Variants in DGKB observed in about 807,000 individuals in gnomAD.
DGKB encodes diacylglycerol kinase beta, also known as 90 kDa diacylglycerol kinase.
In DGKB, 67 loss-of-function variants were observed where a neutral mutation model predicts 114.3. The ratio of observed to expected loss-of-function variants is 0.59; its 90% CI spans 0.48 to 0.72. DGKB has a LOEUF of 0.72. DGKB is among the 30% of genes least tolerant of loss of function. The pLI is 0.00. For missense variants in DGKB, 907 were observed against 975.2 expected, an observed-to-expected ratio of 0.93 and a Z score of 0.93; for synonymous variants, 398 against 323.1, an observed-to-expected ratio of 1.23 and a Z score of -2.49.
At chr7:14,950,230 G>C (rs988648762) in intron 1 of DGKB, among the ~76,000 whole-genome samples, 3 of 151,806 alleles carry the variant, frequency 2.0e-5, no homozygotes, top group Admixed American at 2.0e-4. Flanking sequence ...CTCTTACAAG[G>C]AAACCCCAAT....
At chr7:14,927,679 C>T (rs552014959) in intron 1 of DGKB, among the ~76,000 whole-genome samples, 4 of 151,894 alleles carry the variant, frequency 2.6e-5, no homozygotes, top group Non-Finnish European at 5.9e-5. Context: ...TTTTCAATTA[C>T]CATTTCCTCA....
intron 1 of DGKB, among the ~76,000 whole-genome samples, chr7:14,949,500 C>T (rs557536354): frequency 2.0e-5 from 3 of 151,844 alleles, no homozygotes; most frequent in African/African-American, 7.3e-5. Context: ...TTAACACATG[C>T]TCAGAGAAAT....
chr7:14,407,362 G>A (rs907236934), intron 21 of DGKB, among the ~76,000 whole-genome samples: 6 of 152,020 alleles, frequency 3.9e-5, no homozygotes, highest in East Asian at 1.9e-4. Flanking sequence ...ATTGTGTCTC[G>A]TGCTTATCAG....
intron 17 of DGKB, among the ~76,000 whole-genome samples, chr7:14,596,956 T>A (rs1802683318): frequency 6.6e-6 from 1 of 152,206 alleles, no homozygotes; most frequent in East Asian, 1.9e-4. Context: ...CTAAGATCCT[T>A]CCTATAGTCT....
intron 2 of DGKB, among the ~76,000 whole-genome samples, chr7:14,761,210 GT>G (rs1171061806): frequency 4.6e-5 from 7 of 152,080 alleles, no homozygotes; most frequent in Non-Finnish European, 8.8e-5. Context: ...CTTGGGCCCA[GT>G]TTCTCTAAGG....
chr7:14,908,196 G>A (rs1285872568), upstream of DGKB, among the ~76,000 whole-genome samples: 1 of 152,086 alleles, frequency 6.6e-6, no homozygotes. Flanking sequence ...AAAAGAGAAG[G>A]CATACATATT....
rs1049906449 is a variant in DGKB, at chr7:14,373,393, G to A, written c.1836-28002C>T. Among the ~76,000 whole-genome samples the A allele has an allele frequency of 7.9e-5, 12 of 152,238 alleles. No individual in the cohort carries two copies. In the South Asian group the frequency reaches 2.5e-3, roughly 32 times the overall value. On this transcript the variant is annotated intron_variant, in intron 21 of 25. Transcript: ENST00000402815. ...TGTTTCTATTTGTGAAACAGTAACTGTTGTATTGCATAAAAATGACAGAAA... is the reference window on the plus strand; with the variant it reads ...TGTTTCTATTTGTGAAACAGTAACTATTGTATTGCATAAAAATGACAGAAA...
chr7:14,291,747 C>A (rs1584967192), intron 23 of DGKB, among the ~76,000 whole-genome samples: 1 of 152,066 alleles, frequency 6.6e-6, no homozygotes, highest in Non-Finnish European at 1.5e-5. Context: ...AGGAATGCAT[C>A]CAACAGAATT....
In DGKB at chr7:14,180,183, C is replaced by T. The variant is rs115882511; in HGVS notation, c.2123-2032G>A. Among the ~76,000 whole-genome samples, 510 of 138,044 alleles carry T rather than the reference C, an allele frequency of 3.7e-3. 1 individual carries two copies. The highest frequency in any genetic ancestry group is 0.013 in the African/African-American group (449 of 35,430). 90.6% of individuals were successfully genotyped at this position (138,044 alleles called of 152,430 possible). The stretch of plus-strand genomic sequence containing the variant: ...CGCATTTAGTATTGTAGATTTTGCA[C>T]GGCCTGATTCCTAAATAGGTAGAAT... On this transcript the variant is annotated intron_variant, in intron 23 of 25. Coordinates refer to ENST00000402815, the MANE Select transcript of DGKB (RefSeq NM_001350709.2).
At chr7:14,182,524 A>T (rs1264598277) in intron 23 of DGKB, among the ~76,000 whole-genome samples, 3 of 152,150 alleles carry the variant, frequency 2.0e-5, no homozygotes, top group Non-Finnish European at 4.4e-5. Flanking sequence ...CAGACAGGCA[A>T]AAAGACTATA....
At chr7:14,724,247 CATAG>C (rs1184988377) in intron 5 of DGKB, among the ~76,000 whole-genome samples, 2 of 152,036 alleles carry the variant, frequency 1.3e-5, no homozygotes. Flanking sequence ...TAATGAGTAG[CATAG>C]ATAATCAGAA....
chr7:14,873,647 A>G (rs1275310207), intron 1 of DGKB, among the ~76,000 whole-genome samples: 2 of 151,614 alleles, frequency 1.3e-5, no homozygotes, highest in East Asian at 1.9e-4. Flanking sequence ...TACATATACT[A>G]TATATATATA....
At chr7:14,492,951 G>A (rs760014365) in intron 20 of DGKB, among the ~76,000 whole-genome samples, 3 of 152,174 alleles carry the variant, frequency 2.0e-5, no homozygotes, top group South Asian at 2.1e-4. Context: ...AACTATCCCT[G>A]TATGCTTACA....
In DGKB at chr7:14,695,601, G is replaced by T. The variant is rs545861517; in HGVS notation, c.592-1407C>A. ...AGCAAGCTCCGCCTCCTGGGTTCAC[G>T]CCATTCTCCTGCCTCAGCCTCCCGA... On this transcript the variant is annotated intron_variant, in intron 8 of 25. Coordinates refer to ENST00000402815, the MANE Select transcript of DGKB (RefSeq NM_001350709.2). 1.2e-4 allele frequency among the ~76,000 whole-genome samples: 18 copies of T among 148,228 alleles called. No homozygotes were observed. The South Asian group carries it at 3.4e-3, about 28-fold the overall frequency.
chr7:14,754,874 C>G (rs1014142190), intron 3 of DGKB, among the ~76,000 whole-genome samples: 1 of 152,246 alleles, frequency 6.6e-6, no homozygotes, highest in Admixed American at 6.5e-5. Context: ...CTTCCCCTAA[C>G]CTTTCTCCTT....
At chr7:14,720,418 C>T (rs1323950506) in intron 5 of DGKB, among the ~76,000 whole-genome samples, 1 of 151,768 alleles carries the variant, frequency 6.6e-6, no homozygotes, top group Non-Finnish European at 1.5e-5. Flanking sequence ...GATTCTCCTG[C>T]CTCAGCCTCC....
chr7:14,392,498 C>T (rs1429837315), intron 21 of DGKB, among the ~76,000 whole-genome samples: 1 of 152,086 alleles, frequency 6.6e-6, no homozygotes, highest in Non-Finnish European at 1.5e-5. Flanking sequence ...GTTAAAAGAA[C>T]ATATAAATAA....
intron 19 of DGKB, among the ~76,000 whole-genome samples, chr7:14,575,213 C>T (rs544820590): frequency 3.5e-4 from 53 of 152,314 alleles, no homozygotes; most frequent in South Asian, 1.2e-3. Context: ...AGATGCCCCT[C>T]TCACAGTCCG....
At chr7:14,252,900 G>C (rs1795445938) in intron 23 of DGKB, among the ~76,000 whole-genome samples, 1 of 152,140 alleles carries the variant, frequency 6.6e-6, no homozygotes. Context: ...TTGCGTGTAA[G>C]GGGAAAATGT....
Sources: allele counts gnomAD v4.1 joint callset (sites outside exome capture counted in the v4.1 genomes callset), GRCh38; gene constraint gnomAD v4.1.1; transcripts MANE v1.5; gene names NCBI Gene and HGNC (gene_info 2026-07-23, HGNC 2026-07-21).